VCL: variants seen among roughly 807,000 people sequenced by gnomAD.
The protein encoded by VCL is epididymis luminal protein 114.
In VCL, 47 loss-of-function variants were observed where a neutral mutation model predicts 125.7. The observed-to-expected ratio is 0.37, with a 90% CI of 0.30 to 0.48. VCL has a LOEUF of 0.48. VCL is among the 20% of genes least tolerant of loss of function. VCL has a pLI of 0.99. For synonymous variants in VCL, 458 were observed against 514.6 expected, an observed-to-expected ratio of 0.89 and a Z score of 1.49; for missense variants, 1,069 against 1,455.5, an observed-to-expected ratio of 0.73 and a Z score of 4.32.
intron 2 of VCL, among the ~76,000 whole-genome samples, chr10:74,048,065 C>T (rs148841596): frequency 3.1e-4 from 47 of 152,324 alleles, no homozygotes; most frequent in African/African-American, 1.1e-3. Context: ...TGTAGGGTTG[C>T]ATGGTGATTG....
At chr10:74,091,089 C>G (rs1322916085) in intron 10 of VCL, among the ~76,000 whole-genome samples, 1 of 152,204 alleles carries the variant, frequency 6.6e-6, no homozygotes, top group Non-Finnish European at 1.5e-5. Flanking sequence ...GCATGAGCCA[C>G]TGCACCTAAC....
At position 74,083,394 on chromosome 10, in the gene VCL, G is replaced by A; in HGVS notation, c.903G>A (p.Gln301=). Residue 301 remains glutamine, a synonymous_variant, in exon 8 of 22, where the codon CAG becomes CAA. Transcript: ENST00000211998. ...ATGCTGGTGAGCAGGCCATCAGACA[G>A]ATCTTAGATGAAGCTGGAAAAGTTG... ...PGDAGEQAIR[Q]ILDEAGKVGE... 1 of 1,614,148 alleles carries A rather than the reference G, an allele frequency of 6.2e-7. No individual in the cohort carries two copies. Among genetic ancestry groups the A allele is most frequent in the African/African-American group, 1.3e-5 (1 of 75,050 alleles).
chr10:74,016,577 ACT>A (rs1840544645), intron 1 of VCL, among the ~76,000 whole-genome samples: 1 of 151,964 alleles, frequency 6.6e-6, no homozygotes, highest in South Asian at 2.1e-4. Flanking sequence ...ACAGAGCGAG[ACT>A]CTGTCTCAAA....
intron 6 of VCL, among the ~76,000 whole-genome samples, chr10:74,078,231 G>T (rs138468111): frequency 6.6e-6 from 1 of 152,144 alleles, no homozygotes; most frequent in Admixed American, 6.6e-5. Flanking sequence ...TTCAGAATTA[G>T]TTCCTGTGGT....
intron 1 of VCL, among the ~76,000 whole-genome samples, chr10:73,999,993 A>G (rs991877591): frequency 1.3e-5 from 2 of 152,206 alleles, no homozygotes; most frequent in South Asian, 4.1e-4. Context: ...TCCATGTAGT[A>G]CTTCAGGAAA....
Position 74,105,032 on chromosome 10 carries a change from A to G in VCL, c.2132-19A>G. The G allele has an allele frequency of 6.2e-7, 1 of 1,614,002 alleles. No individual in the cohort carries two copies. The highest frequency in any genetic ancestry group is 8.5e-7 in the Non-Finnish European group (1 of 1,179,962). ...TTCTTCTAAATTGAAACTAAATTCCATTTCTGTTTTCCTAACAGGGCTGGT... is the reference window on the plus strand; with the variant it reads ...TTCTTCTAAATTGAAACTAAATTCCGTTTCTGTTTTCCTAACAGGGCTGGT... On this transcript the variant is annotated intron_variant, in intron 15 of 21. Transcript: ENST00000211998.
rs953870843 is a variant in VCL, at chr10:74,119,789, T to C, written c.*1620T>C. Reference sequence around the variant, plus strand: ...ATTATTTTCAAGGCCCTCAGCATATTTGTATAGTTGCTTGCCTGATATAAA... The same window carrying C: ...ATTATTTTCAAGGCCCTCAGCATATCTGTATAGTTGCTTGCCTGATATAAA... On this transcript the variant is annotated 3_prime_UTR_variant, in exon 22 of 22. Transcript: ENST00000211998. The C allele has an allele frequency of 2.0e-5, 3 of 152,650 alleles. No individual in the cohort carries two copies. Among genetic ancestry groups the C allele is most frequent in the African/African-American group, 7.2e-5 (3 of 41,462 alleles). 9.5% of individuals were successfully genotyped at this position (152,650 alleles called of 1,614,324 possible).
chr10:74,105,912 CTTTTTTTTT>C (rs34837874), intron 16 of VCL, among the ~76,000 whole-genome samples: 27 of 70,104 alleles, frequency 3.9e-4, no homozygotes, highest in Middle Eastern at 0.01. Flanking sequence ...AACCTCTGCG[CTTTTTTTTT>C]TTTTTTTTTT....
chr10:74,016,678 G>A (rs905393236), intron 1 of VCL, among the ~76,000 whole-genome samples: 2 of 152,142 alleles, frequency 1.3e-5, no homozygotes, highest in African/African-American at 2.4e-5. Context: ...TTGGTAAAAT[G>A]TACATAATAT....
chr10:74,113,106 T>C (rs753850144), intron 19 of VCL, among the ~76,000 whole-genome samples: 1 of 152,026 alleles, frequency 6.6e-6, no homozygotes, highest in Non-Finnish European at 1.5e-5. Flanking sequence ...AGTGGTATGG[T>C]TTGTGTATGC....
At chr10:74,081,725 T>C (rs1038299628) in intron 6 of VCL, among the ~76,000 whole-genome samples, 8 of 152,240 alleles carry the variant, frequency 5.3e-5, no homozygotes, top group Admixed American at 2.0e-4. Context: ...TTATGCTAGT[T>C]TCCTGATAGT....
At chr10:74,108,923 G>A (rs755100636) in intron 17 of VCL, 48 bp from the exon 18 acceptor site, 15 of 1,607,632 alleles carry the variant, frequency 9.3e-6, no homozygotes, top group Non-Finnish European at 8.5e-7. Context: ...GAATTCCAGG[G>A]GGGAGTAGTT....
At chr10:74,027,999 T>C (rs1840806405) in intron 1 of VCL, 1 of 152,228 alleles carries the variant, frequency 6.6e-6, no homozygotes, top group African/African-American at 2.4e-5. Context: ...CCAGTGATGT[T>C]TTCCTCTTTA....
Position 74,108,958 on chromosome 10 carries a change from TTC to T in VCL, c.2560-9_2560-8del. The T allele has an allele frequency of 6.2e-7, 1 of 1,614,136 alleles. No individual in the cohort carries two copies. The highest frequency in any genetic ancestry group is 8.5e-7 in the Non-Finnish European group (1 of 1,180,000). On this transcript the variant is annotated splice_polypyrimidine_tract_variant and intron_variant, in intron 17 of 21. Transcript: ENST00000211998. ...TTTAGGACTTTACTTACAACTTGTT[TTC>T]TCTTTTTTAGCTAACAGATGAGCTT... is the stretch of plus-strand genomic sequence containing the variant.
intron 2 of VCL, among the ~76,000 whole-genome samples, chr10:74,052,464 C>G (rs537221830): frequency 1.7e-4 from 25 of 151,490 alleles, no homozygotes; most frequent in African/African-American, 6.1e-4. Context: ...GCAACCTCCC[C>G]CTCTAGGGCT....
Position 74,043,351 on chromosome 10 carries a change from AT to A in VCL, c.239+210del, listed in dbSNP as rs142336119. 8.6e-4 allele frequency among the ~76,000 whole-genome samples: 128 copies of A among 149,018 alleles called. 1 individual carries two copies. Among genetic ancestry groups the A allele is most frequent in the African/African-American group, 2.6e-3 (104 of 40,658 alleles). Reference sequence around the variant, plus strand: ...GATATTAGGCATTTTTGACATAATAATTTTTTTTTTTTGAGACGGAGTTTCA... The same window carrying A: ...GATATTAGGCATTTTTGACATAATAATTTTTTTTTTTGAGACGGAGTTTCA... On this transcript the variant is annotated intron_variant, in intron 2 of 21. Transcript: ENST00000211998.
intron 8 of VCL, 134 bp downstream of exon 8, chr10:74,083,647 A>G: frequency 2.7e-6 from 3 of 1,122,334 alleles, no homozygotes; most frequent in Non-Finnish European, 3.8e-6. Context: ...AGTCTATTAA[A>G]TTCTTTTGAG....
intron 2 of VCL, among the ~76,000 whole-genome samples, chr10:74,064,195 A>G (rs1200120573): frequency 6.6e-6 from 1 of 152,200 alleles, no homozygotes; most frequent in Non-Finnish European, 1.5e-5. Flanking sequence ...ATTATAAAGG[A>G]TACAACCCAG....
At position 74,071,921 on chromosome 10, in the gene VCL, C is replaced by T. The variant is rs4745732; in HGVS notation, c.500-809C>T. ...CTCTTAAAATTTCTCATAATACTGG[C>T]GAAAATTATATTTCCCCAAATGGAA... is the stretch of plus-strand genomic sequence containing the variant. On this transcript the variant is annotated intron_variant, in intron 4 of 21. Transcript: ENST00000211998. This position sits in a 1 kb window ranked among gnomAD's most constrained non-coding sequence, Gnocchi z 4.1. Among the ~76,000 whole-genome samples, 27 of 152,118 alleles carry T rather than the reference C, an allele frequency of 1.8e-4. No homozygotes were observed. The highest frequency in any genetic ancestry group is 4.6e-4 in the African/African-American group (19 of 41,486).
Sources: gnomAD v4.1 joint callset for allele counts (sites outside exome capture counted in the v4.1 genomes callset) on GRCh38, gnomAD v4.1.1 for gene constraint, Gnocchi (gnomAD v3.1) non-coding constraint, MANE v1.5 for transcripts, NCBI Gene and HGNC (gene_info 2026-07-23, HGNC 2026-07-21) for gene names.